Variants in SLC35B4 observed in about 807,000 individuals in gnomAD.
SLC35B4 encodes nucleotide sugar transporter SLC35B4.
In SLC35B4, 28 loss-of-function variants were observed where a neutral mutation model predicts 39.5. The ratio of observed to expected loss-of-function variants is 0.71; its 90% CI spans 0.53 to 0.97. The LOEUF is 0.97. Ranked by LOEUF, SLC35B4 falls within the 50% of genes least tolerant of loss-of-function variation. SLC35B4 has a pLI of 0.00. For synonymous variants in SLC35B4, 145 were observed against 150.4 expected (o/e 0.96, Z 0.26); for missense variants, 334 against 414.3 (o/e 0.81, Z 1.68).
At position 134,316,840 on chromosome 7, in the gene SLC35B4, G is replaced by T; in HGVS notation, c.-89C>A. 1 of 1,329,296 alleles carries T rather than the reference G, an allele frequency of 7.5e-7. No homozygotes were observed. Among genetic ancestry groups the T allele is most frequent in the Non-Finnish European group, 1.0e-6 (1 of 959,418 alleles). The allele number at this position is 1,329,296 out of a possible 1,614,324, so 82.3% of individuals were successfully genotyped here. A position where few individuals can be genotyped will look rare whatever the true frequency, so the allele number is the denominator to read the frequency against. On this transcript the variant is annotated 5_prime_UTR_variant, in exon 1 of 10. Coordinates refer to ENST00000378509, the MANE Select transcript of SLC35B4 (RefSeq NM_032826.5). ...GAAGCCGGCCTCCTGCCTCTTCGCT[G>T]CGCAGCACATCGCACCGTCCTGGAA...
At position 134,294,727 on chromosome 7, in the gene SLC35B4, G is replaced by T; in HGVS notation, c.*106C>A. On this transcript the variant is annotated 3_prime_UTR_variant, in exon 10 of 10. Transcript: ENST00000378509. ...CTGAAGATTTCCTTTTGCACGGCTG[G>T]CTCAGCACTGCGGGTAGCTCGGCAT... is the stretch of plus-strand genomic sequence containing the variant. 1 of 1,435,396 alleles carries T rather than the reference G, an allele frequency of 7.0e-7. No individual in the cohort carries two copies. The highest frequency in any genetic ancestry group is 9.5e-7 in the Non-Finnish European group (1 of 1,056,436). The allele number at this position is 1,435,396 out of a possible 1,614,324, so 88.9% of individuals were successfully genotyped here.
Position 134,299,583 on chromosome 7 carries a change from G to A in SLC35B4, c.613C>T (p.Pro205Ser), listed in dbSNP as rs778029993. The A allele has an allele frequency of 3.1e-6, 5 of 1,613,896 alleles. No homozygotes were observed. Among genetic ancestry groups the A allele is most frequent in the Non-Finnish European group, 4.2e-6 (5 of 1,179,872 alleles). Residue 205 changes from proline (P) to serine (S), a missense_variant, in exon 8 of 10, where the codon CCG becomes TCG. Transcript: ENST00000378509. ...ALFYNHALPL[P>S]GFVFLASDIY... is the part of the protein sequence containing the mutation. ...TCAGAAGCCAAGAAGACGAAACCCG[G>A]AAGTGGAAGGGCGTGCTATGGAAAG...
chr7:134,310,838 C>T (rs1355229308), intron 1 of SLC35B4, among the ~76,000 whole-genome samples: 2 of 152,128 alleles, frequency 1.3e-5, no homozygotes, highest in African/African-American at 2.4e-5. Context: ...TGAGCCACCA[C>T]ACCCGGCCTC....
intron 8 of SLC35B4, among the ~76,000 whole-genome samples, chr7:134,298,408 A>G (rs543299926): frequency 1.2e-3 from 176 of 152,358 alleles, no homozygotes; most frequent in African/African-American, 3.8e-3. Flanking sequence ...AAGGAAAGCA[A>G]GAGAAGGAAA....
chr7:134,316,882 G>A lies in SLC35B4; in HGVS notation c.-131C>T. The A allele has an allele frequency of 1.2e-6, 1 of 835,060 alleles. No individual in the cohort carries two copies. Among genetic ancestry groups the A allele is most frequent in the Non-Finnish European group, 1.9e-6 (1 of 539,180 alleles). 51.7% of individuals were successfully genotyped at this position (835,060 alleles called of 1,614,324 possible). A position where few individuals can be genotyped will look rare whatever the true frequency, so the allele number is the denominator to read the frequency against. ...GTCCTGGAAAGCCGCTCTCACTGGG[G>A]GCCGCCGCGGTCTCCCCTTCTCCCG... On this transcript the variant is annotated 5_prime_UTR_variant, in exon 1 of 10. Transcript: ENST00000378509.
chr7:134,295,201 G>A (rs745332769), intron 9 of SLC35B4, 122 bp from the exon 10 acceptor site: 19 of 1,305,510 alleles, frequency 1.5e-5, no homozygotes, highest in Middle Eastern at 5.6e-4. Context: ...GGTCCGCTAC[G>A]GCAGCTCTGA....
intron 1 of SLC35B4, among the ~76,000 whole-genome samples, chr7:134,310,739 G>A (rs1043346650): frequency 3.3e-5 from 5 of 151,860 alleles, no homozygotes; most frequent in Non-Finnish European, 7.4e-5. Flanking sequence ...AGTAGAGACA[G>A]CGTTTCACTG....
At chr7:134,313,679 CT>C (rs1176455825) in intron 1 of SLC35B4, among the ~76,000 whole-genome samples, 1 of 152,222 alleles carries the variant, frequency 6.6e-6, no homozygotes, top group African/African-American at 2.4e-5. Flanking sequence ...ATGTCCTCTT[CT>C]TCCTGCAAGT....
chr7:134,299,500 C>G, intron 8 of SLC35B4, 23 bp downstream of exon 8: 1 of 1,590,982 alleles, frequency 6.3e-7, no homozygotes, highest in South Asian at 1.1e-5. Context: ...TCAGGTAATT[C>G]TACTGTCTAA....
intron 3 of SLC35B4, 131 bp downstream of exon 3, chr7:134,306,541 C>T (rs118179055): frequency 0.015 from 8,319 of 568,136 alleles, 74 homozygotes; most frequent in Non-Finnish European, 0.019. Flanking sequence ...CCCTTGCTCA[C>T]GCATTCACAA....
In SLC35B4 at chr7:134,292,899, C is replaced by T. The variant is rs1266506586; in HGVS notation, c.*1934G>A. On this transcript the variant is annotated 3_prime_UTR_variant, in exon 10 of 10. Coordinates refer to ENST00000378509, the MANE Select transcript of SLC35B4 (RefSeq NM_032826.5). Reference sequence around the variant, plus strand: ...GAGCAACACATTATTACTCTGTAAACTCAGTGATTTAGGTGGAGAAATAAT... The same window carrying T: ...GAGCAACACATTATTACTCTGTAAATTCAGTGATTTAGGTGGAGAAATAAT... 2 of 152,128 alleles carry T rather than the reference C, an allele frequency of 1.3e-5. No homozygotes were observed. Among genetic ancestry groups the T allele is most frequent in the Non-Finnish European group, 2.9e-5 (2 of 68,020 alleles). 9.4% of individuals were successfully genotyped at this position (152,128 alleles called of 1,614,324 possible). A position where few individuals can be genotyped will look rare whatever the true frequency, so the allele number is the denominator to read the frequency against.
chr7:134,299,808 T>C (rs776537254), intron 7 of SLC35B4, among the ~76,000 whole-genome samples: 4 of 152,216 alleles, frequency 2.6e-5, no homozygotes, highest in Non-Finnish European at 5.9e-5. Context: ...CTTGCCCTTA[T>C]AGGGTCTGAG....
chr7:134,302,181 C>A, intron 4 of SLC35B4, 71 bp from the exon 5 acceptor site: 1 of 1,287,216 alleles, frequency 7.8e-7, no homozygotes, highest in Non-Finnish European at 1.1e-6. Context: ...GTGATATTTA[C>A]AGTCAGATGG....
chr7:134,310,142 T>C (rs1245769295), intron 1 of SLC35B4, among the ~76,000 whole-genome samples: 1 of 152,208 alleles, frequency 6.6e-6, no homozygotes, highest in Non-Finnish European at 1.5e-5. Context: ...AAAAGTATTC[T>C]GGAGGAGGCA....
intron 3 of SLC35B4, 131 bp downstream of exon 3, chr7:134,306,541 C>G: frequency 3.5e-6 from 2 of 568,240 alleles, no homozygotes; most frequent in Non-Finnish European, 5.9e-6. Flanking sequence ...CCCTTGCTCA[C>G]GCATTCACAA....
At position 134,293,792 on chromosome 7, in the gene SLC35B4, C is replaced by CTT. The variant is rs566556827; in HGVS notation, c.*1039_*1040dup. ...GGGTGTCCAGTCCATAACAACCTTT[C>CTT]TTTTTTTTTTTTTTTTTTGAGATAG... On this transcript the variant is annotated 3_prime_UTR_variant, in exon 10 of 10. Transcript: ENST00000378509. 30 of 135,552 alleles carry CTT rather than the reference C, an allele frequency of 2.2e-4. No homozygotes were observed. The highest frequency in any genetic ancestry group is 6.7e-4 in the African/African-American group (25 of 37,272). The allele number at this position is 135,552 out of a possible 1,614,324, so 8.4% of individuals were successfully genotyped here. A position where few individuals can be genotyped will look rare whatever the true frequency, so the allele number is the denominator to read the frequency against.
upstream of SLC35B4, among the ~76,000 whole-genome samples, chr7:134,317,595 G>T (rs922135588): frequency 2.6e-5 from 4 of 152,180 alleles, no homozygotes; most frequent in Non-Finnish European, 4.4e-5. Context: ...TCACCTGGGG[G>T]CTTTGAAAAC....
intron 1 of SLC35B4, among the ~76,000 whole-genome samples, chr7:134,313,195 T>G (rs1803885040): frequency 6.6e-6 from 1 of 152,224 alleles, no homozygotes; most frequent in Admixed American, 6.5e-5. Context: ...CTTAATCTTG[T>G]TTTCTTGAGC....
At chr7:134,302,759 G>A (rs1174652875) in intron 4 of SLC35B4, among the ~76,000 whole-genome samples, 2 of 152,122 alleles carry the variant, frequency 1.3e-5, no homozygotes, top group Non-Finnish European at 2.9e-5. Context: ...CAAGCAAAAG[G>A]CCTCAGGCAA....
Sources: gnomAD v4.1 joint callset for allele counts (sites outside exome capture counted in the v4.1 genomes callset) on GRCh38, gnomAD v4.1.1 for gene constraint, MANE v1.5 for transcripts, NCBI Gene and HGNC (gene_info 2026-07-23, HGNC 2026-07-21) for gene names.